Variants in PAX7 observed in about 807,000 individuals in gnomAD.
The protein encoded by PAX7 is paired box protein Pax-7.
Under a neutral mutation model 50.7 loss-of-function variants are expected in PAX7, and 18 were observed. That is an observed-to-expected ratio of 0.36 (90% CI 0.25 to 0.53). The LOEUF is 0.53. Ranked by LOEUF, PAX7 falls within the 20% of genes least tolerant of loss-of-function variation. The pLI, the probability that PAX7 is intolerant of heterozygous loss-of-function variation, is 0.93. For missense variants in PAX7, 644 were observed against 702.9 expected, an observed-to-expected ratio of 0.92 and a Z score of 0.95; for synonymous variants, 310 against 290.4, an observed-to-expected ratio of 1.07 and a Z score of -0.69.
intron 4 of PAX7, among the ~76,000 whole-genome samples, chr1:18,664,972 G>A (rs1431720677): frequency 6.6e-6 from 1 of 152,102 alleles, no homozygotes; most frequent in Non-Finnish European, 1.5e-5. Flanking sequence ...GGCTAATCTT[G>A]AGTCAGCTGG....
Position 18,744,942 on chromosome 1 carries a change from G to C in PAX7, c.*13G>C. 1 of 1,439,228 alleles carries C rather than the reference G, an allele frequency of 6.9e-7. No homozygotes were observed. The highest frequency in any genetic ancestry group is 1.8e-4 in the Middle Eastern group (1 of 5,682). The allele number at this position is 1,439,228 out of a possible 1,614,324, so 89.2% of individuals were successfully genotyped here. A position where few individuals can be genotyped will look rare whatever the true frequency, so the allele number is the denominator to read the frequency against. On this transcript the variant is annotated 3_prime_UTR_variant, in exon 9 of 9. Coordinates refer to ENST00000420770, the MANE Select transcript of PAX7 (RefSeq NM_001135254.2). Reference sequence around the variant, plus strand: ...CCAGGCCTACTAGGGCCCCTGGGGCGACTTGCCCCAGCCCAATTCCCAGCC... The same window carrying C: ...CCAGGCCTACTAGGGCCCCTGGGGCCACTTGCCCCAGCCCAATTCCCAGCC...
At chr1:18,649,119 T>C (rs967845688) in intron 4 of PAX7, among the ~76,000 whole-genome samples, 3 of 152,092 alleles carry the variant, frequency 2.0e-5, no homozygotes, top group African/African-American at 7.2e-5. Flanking sequence ...TCTGGCCATT[T>C]TACAGATGGA....
At chr1:18,658,067 G>A (rs530018369) in intron 4 of PAX7, among the ~76,000 whole-genome samples, 63 of 152,296 alleles carry the variant, frequency 4.1e-4, no homozygotes, top group African/African-American at 1.5e-3. Flanking sequence ...AAGGAACTGC[G>A]AGCTGTTTCT....
chr1:18,744,387 G>A (rs114294011), intron 8 of PAX7, among the ~76,000 whole-genome samples: 1,533 of 116,414 alleles, frequency 0.013, 36 homozygotes, highest in African/African-American at 0.051. Context: ...TGATTGGAGA[G>A]GAGGTGAGAG....
intron 8 of PAX7, among the ~76,000 whole-genome samples, chr1:18,737,354 C>T (rs759236206): frequency 1.2e-4 from 18 of 150,144 alleles, no homozygotes; most frequent in Non-Finnish European, 2.1e-4. Flanking sequence ...CTCCTCTTCA[C>T]GTGTCGTTGG....
At chr1:18,682,363 G>A (rs1467086755) in intron 4 of PAX7, among the ~76,000 whole-genome samples, 1 of 152,182 alleles carries the variant, frequency 6.6e-6, no homozygotes, top group Non-Finnish European at 1.5e-5. Flanking sequence ...TTAGGGGCCG[G>A]TGGGACCCTT....
rs1157700364 is a variant in PAX7, at chr1:18,747,778, C to G, written c.*2849C>G. 1 of 194,764 alleles carries G rather than the reference C, an allele frequency of 5.1e-6. No homozygotes were observed. Among genetic ancestry groups the G allele is most frequent in the South Asian group, 1.9e-4 (1 of 5,192 alleles). The allele number at this position is 194,764 out of a possible 1,614,324, so 12.1% of individuals were successfully genotyped here. Reference sequence around the variant, plus strand: ...GTTGGAAACGTGGTGATGTGCTGTTCGTTTATAGAAAGCTGACTTTTTATA... The same window carrying G: ...GTTGGAAACGTGGTGATGTGCTGTTGGTTTATAGAAAGCTGACTTTTTATA... On this transcript the variant is annotated 3_prime_UTR_variant, in exon 9 of 9. Transcript: ENST00000420770.
At chr1:18,666,642 G>A (rs1157940538) in intron 4 of PAX7, among the ~76,000 whole-genome samples, 2 of 152,174 alleles carry the variant, frequency 1.3e-5, no homozygotes, top group Non-Finnish European at 2.9e-5. Flanking sequence ...GGTTGATGGG[G>A]CCTGGAGGGT....
chr1:18,719,687 C>T (rs767021129), intron 7 of PAX7, among the ~76,000 whole-genome samples: 1 of 152,226 alleles, frequency 6.6e-6, no homozygotes, highest in South Asian at 2.1e-4. Flanking sequence ...TAGATAATGA[C>T]CTCTGCTGGC....
chr1:18,637,113 C>CT (rs994956605), intron 4 of PAX7, among the ~76,000 whole-genome samples: 3 of 152,146 alleles, frequency 2.0e-5, no homozygotes, highest in Admixed American at 6.5e-5. Context: ...AGGCTGGAGT[C>CT]TGAGTCCTGC....
rs1360788263 is a variant in PAX7, at chr1:18,663,920, T to C, written c.586+27549T>C. On this transcript the variant is annotated intron_variant, in intron 4 of 8. Coordinates refer to ENST00000420770, the MANE Select transcript of PAX7 (RefSeq NM_001135254.2). Reference sequence around the variant, plus strand: ...CAGCCCATGCCAGATGGCTTCTTAGTGCCACAGTCTTCCCTTTTCCCTCCC... The same window carrying C: ...CAGCCCATGCCAGATGGCTTCTTAGCGCCACAGTCTTCCCTTTTCCCTCCC... Among the ~76,000 whole-genome samples the C allele has an allele frequency of 2.0e-5, 3 of 152,246 alleles. No individual in the cohort carries two copies. The East Asian group carries it at 5.8e-4, about 29-fold the overall frequency.
At chr1:18,659,434 T>G (rs1028453962) in intron 4 of PAX7, among the ~76,000 whole-genome samples, 1 of 152,122 alleles carries the variant, frequency 6.6e-6, no homozygotes, top group African/African-American at 2.4e-5. Flanking sequence ...ATCCCACATC[T>G]GTCTTAATTT....
Position 18,636,198 on chromosome 1 carries a change from A to G in PAX7, c.452-39A>G, listed in dbSNP as rs2088152847. ...AGGCCACCGCTCGCTCCTCTGCTCCAACAACTTATACTTGCTCTTTTGCCT... is the reference window on the plus strand; with the variant it reads ...AGGCCACCGCTCGCTCCTCTGCTCCGACAACTTATACTTGCTCTTTTGCCT... On this transcript the variant is annotated intron_variant, in intron 3 of 8. Coordinates refer to ENST00000420770, the MANE Select transcript of PAX7 (RefSeq NM_001135254.2). This position sits in a 1 kb window ranked among gnomAD's most constrained non-coding sequence, Gnocchi z 5.1. 5 of 1,605,872 alleles carry G rather than the reference A, an allele frequency of 3.1e-6. No individual in the cohort carries two copies. Among genetic ancestry groups the G allele is most frequent in the Non-Finnish European group, 4.3e-6 (5 of 1,174,248 alleles).
rs1205456293 is a variant in PAX7, at chr1:18,744,906, G to A, written c.1495G>A (p.Val499Met). The stretch of plus-strand genomic sequence containing the variant: ...CTCTGCTGTGCTGGGACTCCTGCCT[G>A]TGGAAACTGGCCAGGCCTACTAGGG... Reference protein sequence around the residue: ...EHSAVLGLLPVETGQAY With the variant: ...EHSAVLGLLPMETGQAY Residue 499 changes from valine (V) to methionine (M), a missense_variant, in exon 9 of 9, where the codon GTG becomes ATG. Transcript: ENST00000420770. The A allele has an allele frequency of 1.9e-6, 3 of 1,552,944 alleles. No homozygotes were observed. Among genetic ancestry groups the A allele is most frequent in the Non-Finnish European group, 2.6e-6 (3 of 1,147,312 alleles).
chr1:18,732,840 T>A (rs6662318), intron 7 of PAX7, among the ~76,000 whole-genome samples: 6,963 of 152,136 alleles, frequency 0.046, 197 homozygotes, highest in African/African-American at 0.079. Context: ...TCCCCTCCCA[T>A]CATCCCATCC....
At chr1:18,715,829 G>A (rs2089413102) in intron 7 of PAX7, among the ~76,000 whole-genome samples, 1 of 152,172 alleles carries the variant, frequency 6.6e-6, no homozygotes, top group African/African-American at 2.4e-5. Flanking sequence ...GGCTCCAGCA[G>A]GTGCCACCAG....
rs2089624163 is a variant in PAX7 at position 18,729,841 on chromosome 1, C to T, written c.1156-5791C>T. On this transcript the variant is annotated intron_variant, in intron 7 of 8. Transcript: ENST00000420770. ...CTGCTCCCTTTCCAGTGTGCAGGCCCCAGCTTCTGCGTGGGGACAGAACAG... is the reference window on the plus strand; with the variant it reads ...CTGCTCCCTTTCCAGTGTGCAGGCCTCAGCTTCTGCGTGGGGACAGAACAG... Among the ~76,000 whole-genome samples the T allele has an allele frequency of 1.3e-5, 2 of 152,158 alleles. 1 individual carries two copies. Among genetic ancestry groups the T allele is most frequent in the African/African-American group, 4.8e-5 (2 of 41,416 alleles).
chr1:18,682,135 C>T (rs889464540), intron 4 of PAX7, among the ~76,000 whole-genome samples: 93 of 152,320 alleles, frequency 6.1e-4, no homozygotes, highest in African/African-American at 2.2e-3. Flanking sequence ...GAGTCCAACT[C>T]TGGCTTTCCT....
At position 18,748,789 on chromosome 1, in the gene PAX7, C is replaced by T. The variant is rs1931555911; in HGVS notation, c.*3860C>T. ...GACTAGAAAGAGAAACTGGTATTTG[C>T]TTTAACTACCTGCTGCTTGTAAGCG... On this transcript the variant is annotated 3_prime_UTR_variant, in exon 9 of 9. Coordinates refer to ENST00000420770, the MANE Select transcript of PAX7 (RefSeq NM_001135254.2). 2 of 220,608 alleles carry T rather than the reference C, an allele frequency of 9.1e-6. No individual in the cohort carries two copies. The highest frequency in any genetic ancestry group is 1.8e-5 in the Non-Finnish European group (2 of 110,068). 13.7% of individuals were successfully genotyped at this position (220,608 alleles called of 1,614,324 possible). A position where few individuals can be genotyped will look rare whatever the true frequency, so the allele number is the denominator to read the frequency against.
Sources: allele counts gnomAD v4.1 joint callset (sites outside exome capture counted in the v4.1 genomes callset), GRCh38; gene constraint gnomAD v4.1.1; non-coding constraint Gnocchi (gnomAD v3.1); transcripts MANE v1.5; gene names NCBI Gene and HGNC (gene_info 2026-07-23, HGNC 2026-07-21).